Variants in PARP6 observed in about 807,000 individuals in gnomAD.
PARP6 encodes the protein poly(ADP-ribose) polymerase family member 6.
In PARP6, 27 loss-of-function variants were observed where a neutral mutation model predicts 92.0. That is an observed-to-expected ratio of 0.29 (90% CI 0.22 to 0.40). The LOEUF (loss-of-function observed/expected upper bound fraction) is 0.40. Among genes scored for constraint, PARP6 ranks in the 10% least tolerant of loss-of-function variants. The probability of loss-of-function intolerance (pLI) is 1.00; values close to 1 mark genes in which losing one functional copy is unlikely to be tolerated. For synonymous variants in PARP6, 272 were observed against 281.2 expected, an observed-to-expected ratio of 0.97 and a Z score of 0.33; for missense variants, 501 against 784.5, an observed-to-expected ratio of 0.64 and a Z score of 4.32.
At position 72,265,989 on chromosome 15, in the gene PARP6, C is replaced by A. The variant is rs1345305993; in HGVS notation, c.84G>T (p.Gly28=). Residue 28 remains glycine (G), a splice_region_variant and synonymous_variant, in exon 5 of 24, where the codon GGG becomes GGT. Transcript: ENST00000569795. ...ESEEFLYGVQ[G]SCAADLYRHP... ...GTCGATACAGGTCAGCTGCACAGCT[C>A]CCCTGAGATAGCAGCAAAAATGGTG... 1 of 1,609,220 alleles carries A rather than the reference C, an allele frequency of 6.2e-7. No homozygotes were observed. Among genetic ancestry groups the A allele is most frequent in the Non-Finnish European group, 8.5e-7 (1 of 1,175,744 alleles).
Position 72,250,974 on chromosome 15 carries a change from T to C in PARP6, c.1309-20A>G. ...CTTCAGCTGCTGCCCAGGGTGGGGGTGGAATCAGGAAAACAGAGCAGAAAT... is the reference window on the plus strand; with the variant it reads ...CTTCAGCTGCTGCCCAGGGTGGGGGCGGAATCAGGAAAACAGAGCAGAAAT... On this transcript the variant is annotated intron_variant, in intron 17 of 23. Coordinates refer to ENST00000569795, the MANE Select transcript of PARP6 (RefSeq NM_001323532.2). 2 of 1,562,514 alleles carry C rather than the reference T, an allele frequency of 1.3e-6. No individual in the cohort carries two copies. The highest frequency in any genetic ancestry group is 1.8e-6 in the Non-Finnish European group (2 of 1,138,112).
chr15:72,241,479 G>T lies in PARP6; in HGVS notation c.1869C>A (p.Ile623=). The T allele has an allele frequency of 6.2e-7, 1 of 1,614,022 alleles. No homozygotes were observed. Among genetic ancestry groups the T allele is most frequent in the South Asian group, 1.1e-5 (1 of 91,074 alleles). ...PKIQKEIMRV[I]GTQVYTN ...CTCAGTTTGTGTAAACCTGAGTTCC[G>T]ATCACACGCATGATTTCCTTCTGTA... The change falls in exon 24 of 24, where the codon ATC becomes ATA. Residue 623 remains isoleucine, a synonymous_variant. Transcript: ENST00000569795. The surrounding 1 kb of genome is among the most constrained non-coding windows in gnomAD (Gnocchi z 4.1).
intron 7 of PARP6, 63 bp downstream of exon 7, chr15:72,265,018 A>G (rs2086391765): frequency 9.1e-7 from 1 of 1,094,020 alleles, no homozygotes; most frequent in African/African-American, 1.6e-5. Context: ...TACCTCAGTT[A>G]ACTTAGGGCT....
chr15:72,257,261 T>C, intron 13 of PARP6, 87 bp downstream of exon 13: 1 of 962,086 alleles, frequency 1.0e-6, no homozygotes, highest in Non-Finnish European at 1.7e-6. Context: ...AAAAGCATTT[T>C]TGGAAGTTAA....
chr15:72,264,402 C>A (rs1026606349), intron 8 of PARP6, among the ~76,000 whole-genome samples, 153 bp downstream of exon 8: 1 of 152,176 alleles, frequency 6.6e-6, no homozygotes, highest in Non-Finnish European at 1.5e-5. Flanking sequence ...AAATCTGGCT[C>A]CCTAAATTTA....
chr15:72,241,607 A>G lies in PARP6; in HGVS notation c.1791-50T>C. On this transcript the variant is annotated intron_variant, in intron 23 of 23. Coordinates refer to ENST00000569795, the MANE Select transcript of PARP6 (RefSeq NM_001323532.2). This position sits in a 1 kb window ranked among gnomAD's most constrained non-coding sequence, Gnocchi z 4.1. The stretch of plus-strand genomic sequence containing the variant: ...GCATAAGAGGGAGAACAATACCAGA[A>G]TAACATCAATCAGTGGAACTGTATT... 2 of 1,342,308 alleles carry G rather than the reference A, an allele frequency of 1.5e-6. No homozygotes were observed. Among genetic ancestry groups the G allele is most frequent in the East Asian group, 4.6e-5 (2 of 43,692 alleles). The allele number at this position is 1,342,308 out of a possible 1,614,324, so 83.1% of individuals were successfully genotyped here.
chr15:72,255,502 C>G (rs1189891002), intron 14 of PARP6, among the ~76,000 whole-genome samples: 2 of 152,070 alleles, frequency 1.3e-5, no homozygotes, highest in Non-Finnish European at 2.9e-5. Flanking sequence ...AAGTGATCCA[C>G]CCGCCTTGGC....
chr15:72,256,041 C>T (rs1256139965), intron 14 of PARP6, among the ~76,000 whole-genome samples: 2 of 152,068 alleles, frequency 1.3e-5, no homozygotes, highest in African/African-American at 4.8e-5. Flanking sequence ...TTGTGATCCA[C>T]CTGCCTCAGC....
intron 9 of PARP6, among the ~76,000 whole-genome samples, chr15:72,261,275 G>T (rs537249724): frequency 6.6e-6 from 1 of 152,156 alleles, no homozygotes; most frequent in Non-Finnish European, 1.5e-5. Context: ...ATGGGGAAAC[G>T]GATCAGGACA....
Position 72,242,091 on chromosome 15 carries a change from T to C in PARP6, c.1705+66A>G. ...CAACATCACTCTTGGCCAGATCATGTGCCAAAATTACATCAGAAACAAAGG... is the reference window on the plus strand; with the variant it reads ...CAACATCACTCTTGGCCAGATCATGCGCCAAAATTACATCAGAAACAAAGG... On this transcript the variant is annotated intron_variant, in intron 22 of 23. Transcript: ENST00000569795. This position sits in a 1 kb window ranked among gnomAD's most constrained non-coding sequence, Gnocchi z 4.3. The C allele has an allele frequency of 3.3e-6, 5 of 1,520,296 alleles. No homozygotes were observed. Among genetic ancestry groups the C allele is most frequent in the Non-Finnish European group, 4.6e-6 (5 of 1,094,898 alleles). 94.2% of individuals were successfully genotyped at this position (1,520,296 alleles called of 1,614,324 possible).
Position 72,265,524 on chromosome 15 carries a change from G to A in PARP6, c.177-51C>T, listed in dbSNP as rs2086467485. On this transcript the variant is annotated intron_variant, in intron 5 of 23. Transcript: ENST00000569795. ...TGAGACTCATTAAGGGAGAAAGAAG[G>A]GAATAGAAACTGAGTTGGAAAGAGA... 8 of 1,403,360 alleles carry A rather than the reference G, an allele frequency of 5.7e-6. No homozygotes were observed. In the South Asian group the frequency reaches 6.9e-5, roughly 12 times the overall value. The allele number at this position is 1,403,360 out of a possible 1,614,324, so 86.9% of individuals were successfully genotyped here.
At chr15:72,252,642 T>A (rs2084526100) in intron 16 of PARP6, among the ~76,000 whole-genome samples, 1 of 152,050 alleles carries the variant, frequency 6.6e-6, no homozygotes. Flanking sequence ...TGGGCCACCA[T>A]GCCCAGCTGA....
intron 20 of PARP6, among the ~76,000 whole-genome samples, chr15:72,247,712 T>C (rs1333457304): frequency 6.6e-6 from 1 of 152,226 alleles, no homozygotes; most frequent in East Asian, 1.9e-4. Flanking sequence ...AGATTTGTTA[T>C]CTTTTTCTAG....
Position 72,241,707 on chromosome 15 carries a change from C to T in PARP6, c.1791-150G>A. The T allele has an allele frequency of 1.3e-6, 1 of 768,234 alleles. No individual in the cohort carries two copies. The highest frequency in any genetic ancestry group is 1.7e-5 in the South Asian group (1 of 60,586). 47.6% of individuals were successfully genotyped at this position (768,234 alleles called of 1,614,324 possible). On this transcript the variant is annotated intron_variant, in intron 23 of 23. Transcript: ENST00000569795. This position sits in a 1 kb window ranked among gnomAD's most constrained non-coding sequence, Gnocchi z 4.1. ...TCATAGTGGAAGATATTCAGCTTAT[C>T]TGGTTTCCTCTAGATAGATCCCAAC...
At chr15:72,267,433 C>A (rs748373431) in intron 3 of PARP6, 42 bp downstream of exon 3, 3 of 1,608,986 alleles carry the variant, frequency 1.9e-6, no homozygotes, top group Non-Finnish European at 2.6e-6. Context: ...TCTCCTCTAC[C>A]CTTTGAACAA....
In PARP6 at chr15:72,256,597, G is replaced by T. The variant is rs2085162722; in HGVS notation, c.1000-7C>A. ...CCACCAGCAGATCCACCACCTTAGGGGAAAGGAAAAAAAACAGGGCAGAAG... is the reference window on the plus strand; with the variant it reads ...CCACCAGCAGATCCACCACCTTAGGTGAAAGGAAAAAAAACAGGGCAGAAG... On this transcript the variant is annotated splice_polypyrimidine_tract_variant and splice_region_variant and intron_variant, in intron 13 of 23. Transcript: ENST00000569795. 1 of 1,525,798 alleles carries T rather than the reference G, an allele frequency of 6.6e-7. No individual in the cohort carries two copies. Among genetic ancestry groups the T allele is most frequent in the African/African-American group, 1.4e-5 (1 of 70,066 alleles). The allele number at this position is 1,525,798 out of a possible 1,614,324, so 94.5% of individuals were successfully genotyped here. A position where few individuals can be genotyped will look rare whatever the true frequency, so the allele number is the denominator to read the frequency against.
intron 14 of PARP6, among the ~76,000 whole-genome samples, chr15:72,255,233 T>C (rs933800274): frequency 6.6e-6 from 1 of 152,180 alleles, no homozygotes; most frequent in East Asian, 1.9e-4. Flanking sequence ...AGACTAGAAC[T>C]TACACCATTG....
At chr15:72,259,900 C>T (rs892014784) in intron 10 of PARP6, among the ~76,000 whole-genome samples, 8 of 152,266 alleles carry the variant, frequency 5.3e-5, no homozygotes, top group Non-Finnish European at 1.2e-4. Context: ...CAGTTAACTA[C>T]AGTCCTACTC....
chr15:72,271,086 T>G lies in PARP6; in HGVS notation c.-258A>C, dbSNP rs528138433. 6.6e-6 allele frequency: 1 copy of G among 151,980 alleles called. No homozygotes were observed. Among genetic ancestry groups the G allele is most frequent in the African/African-American group, 2.4e-5 (1 of 41,434 alleles). The allele number at this position is 151,980 out of a possible 1,614,324, so 9.4% of individuals were successfully genotyped here. ...GGGTGAGGTTCGTGAGATTTGAAAATAAACAGTCAAGTGCTGATCTGGATG... is the reference window on the plus strand; with the variant it reads ...GGGTGAGGTTCGTGAGATTTGAAAAGAAACAGTCAAGTGCTGATCTGGATG... On this transcript the variant is annotated 5_prime_UTR_variant, in exon 2 of 24. Transcript: ENST00000569795.
Sources: gnomAD v4.1 joint callset for allele counts (sites outside exome capture counted in the v4.1 genomes callset) on GRCh38, gnomAD v4.1.1 for gene constraint, Gnocchi (gnomAD v3.1) non-coding constraint, MANE v1.5 for transcripts, NCBI Gene and HGNC (gene_info 2026-07-23, HGNC 2026-07-21) for gene names.